Variants in SPMAP2L observed in about 807,000 individuals in gnomAD.
SPMAP2L encodes the protein sperm microtubule associated protein 2-like.
At chr4:56,560,724 G>A in the SPMAP2L span, among the ~76,000 whole-genome samples, 26 of 152,128 alleles carry the variant, frequency 1.7e-4, no homozygotes, top group Admixed American at 2.0e-4. Context: ...CACTGTACCT[G>A]GCCAGCATGT....
At chr4:56,583,950 T>C in the SPMAP2L span, among the ~76,000 whole-genome samples, 6 of 152,004 alleles carry the variant, frequency 3.9e-5, no homozygotes, top group African/African-American at 1.5e-4. Context: ...ACATATACTG[T>C]ATCACAATAT....
chr4:56,562,893 T>C, the SPMAP2L span, among the ~76,000 whole-genome samples: 1 of 18,540 alleles, frequency 5.4e-5, no homozygotes, highest in Non-Finnish European at 2.1e-4. Context: ...TTTCTAAACT[T>C]TTTTTTAGGA....
chr4:56,613,061 G>T, the SPMAP2L span, among the ~76,000 whole-genome samples: 1 of 152,100 alleles, frequency 6.6e-6, no homozygotes, highest in Non-Finnish European at 1.5e-5. Context: ...GTTAGCCTTT[G>T]TTCTCCCTTA....
chr4:56,535,838 G>T, the SPMAP2L span, among the ~76,000 whole-genome samples: 1 of 152,158 alleles, frequency 6.6e-6, no homozygotes, highest in Non-Finnish European at 1.5e-5. Context: ...CTCAGGCAGG[G>T]TTCTCACCTC....
At chr4:56,545,022 A>G in the SPMAP2L span, among the ~76,000 whole-genome samples, 1 of 152,184 alleles carries the variant, frequency 6.6e-6, no homozygotes, top group African/African-American at 2.4e-5. Flanking sequence ...CGCCCGGCGC[A>G]GCTGTGTCAG....
chr4:56,595,078 A>C, the SPMAP2L span: 14 of 1,610,820 alleles, frequency 8.7e-6, no homozygotes, highest in Non-Finnish European at 1.2e-5. Context: ...ATGGGGCTCC[A>C]GTTCCATCTT....
At chr4:56,538,201 A>C in the SPMAP2L span, among the ~76,000 whole-genome samples, 5 of 138,032 alleles carry the variant, frequency 3.6e-5, no homozygotes, top group South Asian at 9.4e-4. Context: ...GGGGTCTCTG[A>C]CATCCCCTAT....
At chr4:56,579,207 A>G in the SPMAP2L span, among the ~76,000 whole-genome samples, 6 of 152,300 alleles carry the variant, frequency 3.9e-5, no homozygotes, top group African/African-American at 2.4e-5. Context: ...ATCACATATT[A>G]ACTCATAAAA....
the SPMAP2L span, chr4:56,595,659 A>G: frequency 8.5e-7 from 1 of 1,171,192 alleles, no homozygotes; most frequent in Non-Finnish European, 1.3e-6. Context: ...CCTGGTTTGT[A>G]CCTGCCCACC....
the SPMAP2L span, chr4:56,593,442 G>T: frequency 2.6e-5 from 41 of 1,553,094 alleles, no homozygotes; most frequent in Admixed American, 2.8e-4. Context: ...GCGGAGTGTT[G>T]TTCCAGTACC....
chr4:56,607,645 A>C, the SPMAP2L span, among the ~76,000 whole-genome samples: 6 of 152,112 alleles, frequency 3.9e-5, no homozygotes, highest in Admixed American at 6.6e-5. Flanking sequence ...GAAACCTTCA[A>C]TCTTCTTAGA....
At chr4:56,540,236 G>A in the SPMAP2L span, among the ~76,000 whole-genome samples, 1 of 152,112 alleles carries the variant, frequency 6.6e-6, no homozygotes, top group Non-Finnish European at 1.5e-5. Flanking sequence ...TATAGTGGAG[G>A]ACCGGCATTC....
chr4:56,588,462 A>G, the SPMAP2L span, among the ~76,000 whole-genome samples: 5 of 145,842 alleles, frequency 3.4e-5, no homozygotes, highest in Non-Finnish European at 7.5e-5. Flanking sequence ...ACGGAGGTTC[A>G]TTCTTGTTGC....
chr4:56,599,631 C>T, the SPMAP2L span, among the ~76,000 whole-genome samples: 1 of 152,154 alleles, frequency 6.6e-6, no homozygotes, highest in Non-Finnish European at 1.5e-5. Flanking sequence ...TCAACTCCTT[C>T]TTATGAGTGA....
At chr4:56,597,111 T>C in the SPMAP2L span, among the ~76,000 whole-genome samples, 17 of 152,308 alleles carry the variant, frequency 1.1e-4, no homozygotes, top group East Asian at 7.7e-4. Context: ...TGGTAGTCAG[T>C]GAAGGCCTCT....
chr4:56,575,338 T>C, the SPMAP2L span, among the ~76,000 whole-genome samples: 2 of 152,166 alleles, frequency 1.3e-5, no homozygotes, highest in African/African-American at 2.4e-5. Flanking sequence ...ACTTGATGGG[T>C]GTAACCGTTT....
At chr4:56,595,507 T>C in the SPMAP2L span, 1 of 1,539,744 alleles carries the variant, frequency 6.5e-7, no homozygotes, top group Non-Finnish European at 9.0e-7. Context: ...GTCTCCACAC[T>C]CCCTGACCTG....
At chr4:56,617,978 CT>C in the SPMAP2L span, among the ~76,000 whole-genome samples, 18 of 152,294 alleles carry the variant, frequency 1.2e-4, no homozygotes, top group African/African-American at 4.3e-4. Flanking sequence ...CAACCAGCCG[CT>C]TATGTCTTCT....
the SPMAP2L span, chr4:56,594,393 T>C: frequency 6.3e-7 from 1 of 1,585,054 alleles, no homozygotes; most frequent in South Asian, 1.1e-5. Flanking sequence ...TTTGCAAACA[T>C]CCACCCCTTT....
Sources: gnomAD v4.1 joint callset for allele counts (sites outside exome capture counted in the v4.1 genomes callset) on GRCh38, gnomAD v4.1.1 for gene constraint, MANE v1.5 for transcripts, NCBI Gene and HGNC (gene_info 2026-07-23, HGNC 2026-07-21) for gene names.